The following FAM171B variants were observed in gnomAD, a reference collection of about 807,000 sequenced individuals.
FAM171B encodes the protein family with sequence similarity 171 member B.
A neutral mutation model predicts 75.6 loss-of-function variants in FAM171B; 19 were observed. The ratio of observed to expected loss-of-function variants is 0.25; its 90% CI spans 0.18 to 0.37. FAM171B has a LOEUF of 0.37. Ranked by LOEUF, FAM171B falls within the 10% of genes least tolerant of loss-of-function variation. The pLI, the probability that FAM171B is intolerant of heterozygous loss-of-function variation, is 1.00. For synonymous variants in FAM171B, 367 were observed against 361.7 expected (o/e 1.01, Z -0.17); for missense variants, 848 against 982.4 (o/e 0.86, Z 1.83).
intron 1 of FAM171B, among the ~76,000 whole-genome samples, chr2:186,723,023 T>C (rs1689978916): frequency 6.6e-6 from 1 of 152,222 alleles, no homozygotes; most frequent in Non-Finnish European, 1.5e-5. Context: ...ATTCTCCTTT[T>C]GGCCTGGAGA....
chr2:186,751,955 T>C (rs1690462397), intron 5 of FAM171B, among the ~76,000 whole-genome samples: 1 of 152,196 alleles, frequency 6.6e-6, no homozygotes, highest in Non-Finnish European at 1.5e-5. Flanking sequence ...TGCTACAGTC[T>C]AGATAGTTTC....
chr2:186,716,196 T>C (rs1165705408), intron 1 of FAM171B, among the ~76,000 whole-genome samples: 1 of 152,170 alleles, frequency 6.6e-6, no homozygotes, highest in Non-Finnish European at 1.5e-5. Flanking sequence ...AATTGTTTTG[T>C]AGAGATAGGG....
chr2:186,758,758 G>A (rs970917149), intron 6 of FAM171B, among the ~76,000 whole-genome samples: 3 of 151,984 alleles, frequency 2.0e-5, no homozygotes, highest in African/African-American at 7.2e-5. Context: ...GGCATACAGT[G>A]CATAATAATC....
At chr2:186,712,575 T>G (rs2105775373) in intron 1 of FAM171B, among the ~76,000 whole-genome samples, 1 of 152,316 alleles carries the variant, frequency 6.6e-6, no homozygotes, top group South Asian at 2.1e-4. Context: ...ATGCTTTGAG[T>G]TGGAGAACTG....
intron 1 of FAM171B, among the ~76,000 whole-genome samples, chr2:186,730,530 T>C (rs372931642): frequency 3.3e-5 from 5 of 152,338 alleles, no homozygotes; most frequent in South Asian, 4.1e-4. Context: ...GCCTGTATTA[T>C]GCACTAAGTC....
At chr2:186,697,079 G>A (rs2595375) in intron 1 of FAM171B, among the ~76,000 whole-genome samples, 94,597 of 152,008 alleles carry the variant, frequency 0.62, 29,607 homozygotes, top group East Asian at 0.81. Context: ...GCATTTGTTC[G>A]TCTTCATTGG....
intron 1 of FAM171B, among the ~76,000 whole-genome samples, chr2:186,739,731 T>A (rs1270161910): frequency 6.6e-6 from 1 of 152,226 alleles, no homozygotes; most frequent in Non-Finnish European, 1.5e-5. Flanking sequence ...TAACTTTTAT[T>A]TTTGTATGTA....
chr2:186,701,362 A>C (rs940853547), intron 1 of FAM171B, among the ~76,000 whole-genome samples: 1 of 152,204 alleles, frequency 6.6e-6, no homozygotes. Flanking sequence ...TGTGGTAACA[A>C]CACCAAAACC....
intron 6 of FAM171B, 128 bp downstream of exon 6, chr2:186,754,177 T>C: frequency 1.6e-6 from 1 of 643,528 alleles, no homozygotes; most frequent in South Asian, 2.1e-5. Context: ...GAAAGGAACT[T>C]GATCTCAGCT....
intron 2 of FAM171B, among the ~76,000 whole-genome samples, chr2:186,743,197 G>A (rs1042232877): frequency 1.3e-5 from 2 of 152,112 alleles, no homozygotes; most frequent in Non-Finnish European, 2.9e-5. Flanking sequence ...TATATCTGGG[G>A]TTACAGAACA....
At chr2:186,752,016 T>G (rs1051845426) in intron 5 of FAM171B, among the ~76,000 whole-genome samples, 4 of 152,334 alleles carry the variant, frequency 2.6e-5, no homozygotes, top group African/African-American at 9.6e-5. Flanking sequence ...CTGTTTGCTC[T>G]GTATTAGCAC....
rs549330432 is a variant in FAM171B at position 186,709,028 on chromosome 2, G to A, written c.238+14617G>A. Among the ~76,000 whole-genome samples the A allele has an allele frequency of 3.3e-5, 5 of 152,270 alleles. No individual in the cohort carries two copies. In the East Asian group the frequency reaches 9.7e-4, roughly 29 times the overall value. On this transcript the variant is annotated intron_variant, in intron 1 of 7. Transcript: ENST00000304698. The stretch of plus-strand genomic sequence containing the variant: ...AGCATCTGCTTCTGAGGAGGCCTCA[G>A]GGAGCTTCCAGTCATAGTAGAAGGC...
At chr2:186,759,835 T>C (rs1690588549) in intron 6 of FAM171B, among the ~76,000 whole-genome samples, 1 of 152,090 alleles carries the variant, frequency 6.6e-6, no homozygotes, top group South Asian at 2.1e-4. Flanking sequence ...TGCCTGTGCT[T>C]GCAGGGTATT....
Position 186,765,475 on chromosome 2 carries a change from G to A in FAM171B, c.*2652G>A, listed in dbSNP as rs146212499. ...GTTGTATAGGGATTATGCCCTTTCA[G>A]TTCTATAGGGATTATGCCCTTTTAT... On this transcript the variant is annotated 3_prime_UTR_variant, in exon 8 of 8. Transcript: ENST00000304698. The A allele has an allele frequency of 6.6e-6, 1 of 152,036 alleles. No individual in the cohort carries two copies. The highest frequency in any genetic ancestry group is 1.9e-4 in the East Asian group (1 of 5,174). 9.4% of individuals were successfully genotyped at this position (152,036 alleles called of 1,614,324 possible). A position where few individuals can be genotyped will look rare whatever the true frequency, so the allele number is the denominator to read the frequency against.
chr2:186,754,394 A>G (rs1274857681), intron 6 of FAM171B, among the ~76,000 whole-genome samples: 1 of 152,170 alleles, frequency 6.6e-6, no homozygotes, highest in Non-Finnish European at 1.5e-5. Context: ...AAAATATGCT[A>G]TATTAGAAGG....
At chr2:186,733,100 G>A (rs532623884) in intron 1 of FAM171B, among the ~76,000 whole-genome samples, 67 of 152,272 alleles carry the variant, frequency 4.4e-4, no homozygotes, top group Non-Finnish European at 5.7e-4. Context: ...GTAACAGTGC[G>A]TGTATTTGAA....
intron 1 of FAM171B, among the ~76,000 whole-genome samples, chr2:186,719,447 A>G (rs1012488353): frequency 9.8e-5 from 15 of 152,374 alleles, no homozygotes; most frequent in African/African-American, 2.6e-4. Context: ...TCCCAAAACA[A>G]CAAAATAGTA....
At chr2:186,744,318 G>C (rs775292784) in intron 3 of FAM171B, among the ~76,000 whole-genome samples, 28 of 152,124 alleles carry the variant, frequency 1.8e-4, no homozygotes, top group Non-Finnish European at 2.6e-4. Context: ...TCCAGTAAGA[G>C]CGTCATGGTA....
chr2:186,750,090 C>T (rs1036216927), intron 4 of FAM171B, among the ~76,000 whole-genome samples: 1 of 152,076 alleles, frequency 6.6e-6, no homozygotes, highest in Non-Finnish European at 1.5e-5. Context: ...AATGAATGAA[C>T]AAATTTCTAG....
Sources: gnomAD v4.1 joint callset for allele counts (sites outside exome capture counted in the v4.1 genomes callset) on GRCh38, gnomAD v4.1.1 for gene constraint, MANE v1.5 for transcripts, NCBI Gene and HGNC (gene_info 2026-07-23, HGNC 2026-07-21) for gene names.